ZNF366: variants seen among roughly 807,000 people sequenced by gnomAD.
The protein encoded by ZNF366 is zinc finger protein 366, also known as dendritic cell-specific transcript protein.
ZNF366 carries 20 observed loss-of-function variants against 47.2 expected under a neutral mutation model. The ratio of observed to expected loss-of-function variants is 0.42; its 90% confidence interval spans 0.30 to 0.62. The LOEUF (loss-of-function observed/expected upper bound fraction) is 0.62. ZNF366 is among the 20% of genes least tolerant of loss of function. The pLI, the probability that ZNF366 is intolerant of heterozygous loss-of-function variation, is 0.16. For missense variants in ZNF366, 987 were observed against 976.3 expected (o/e 1.01, Z -0.15); for synonymous variants, 421 against 395.1 (o/e 1.07, Z -0.78).
chr5:72,459,827 G>A (rs939591905), intron 2 of ZNF366, among the ~76,000 whole-genome samples: 5 of 152,236 alleles, frequency 3.3e-5, no homozygotes, highest in South Asian at 4.1e-4. Context: ...TCATGCTAGT[G>A]CCTTGGATGA....
chr5:72,461,637 A>G (rs555056061), intron 1 of ZNF366, 127 bp from the exon 2 acceptor site: 1 of 1,270,096 alleles, frequency 7.9e-7, no homozygotes, highest in African/African-American at 1.5e-5. Context: ...ATGGACCCTC[A>G]TTTATCCTAG....
At chr5:72,481,386 GT>G (rs1743787772) in intron 1 of ZNF366, among the ~76,000 whole-genome samples, 1 of 151,510 alleles carries the variant, frequency 6.6e-6, no homozygotes, top group South Asian at 2.1e-4. Flanking sequence ...ATTTTGGTCC[GT>G]TTCTTTCAAG....
rs146333389 is a variant in ZNF366, at chr5:72,443,251, T to C, written c.*505A>G. 1.9e-3 allele frequency: 294 copies of C among 153,102 alleles called. 5 individuals are homozygous for C. The East Asian group carries it at 0.05, about 26-fold the overall frequency. The allele number at this position is 153,102 out of a possible 1,614,324, so 9.5% of individuals were successfully genotyped here. On this transcript the variant is annotated 3_prime_UTR_variant, in exon 5 of 5. Coordinates refer to ENST00000318442, the MANE Select transcript of ZNF366 (RefSeq NM_152625.3). The stretch of plus-strand genomic sequence containing the variant: ...GGAGAGCATTCTCTTCAATAGCTCA[T>C]CCTCCTGTGCCATTTCTGACATTTT...
intron 3 of ZNF366, among the ~76,000 whole-genome samples, chr5:72,455,656 G>A (rs758928598): frequency 2.0e-5 from 3 of 152,158 alleles, no homozygotes; most frequent in African/African-American, 7.2e-5. Flanking sequence ...GCCCGTCAGC[G>A]CCTTGGGTTT....
At position 72,497,107 on chromosome 5, in the gene ZNF366, C is replaced by T. The variant is rs141382077; in HGVS notation, c.-15+10144G>A. ...GCCGCTTGTCTTTTTATTTTTATAACGGTATCTTTTTCTTGAAGAGCAAAA... is the reference window on the plus strand; with the variant it reads ...GCCGCTTGTCTTTTTATTTTTATAATGGTATCTTTTTCTTGAAGAGCAAAA... On this transcript the variant is annotated intron_variant, in intron 1 of 4. Coordinates refer to ENST00000318442, the MANE Select transcript of ZNF366 (RefSeq NM_152625.3). 1.2e-4 allele frequency among the ~76,000 whole-genome samples: 19 copies of T among 152,096 alleles called. No individual in the cohort carries two copies. In the East Asian group the frequency reaches 1.5e-3, roughly 12 times the overall value.
At position 72,440,903 on chromosome 5, in the gene ZNF366, G is replaced by A. The variant is rs926766586; in HGVS notation, c.*2853C>T. 5.3e-5 allele frequency: 8 copies of A among 151,914 alleles called. No homozygotes were observed. The highest frequency in any genetic ancestry group is 1.3e-4 in the Admixed American group (2 of 15,268). The allele number at this position is 151,914 out of a possible 1,614,324, so 9.4% of individuals were successfully genotyped here. ...AGTCAACAACTAAAAACAGGCCCTG[G>A]AATACACTCCATAACAAATTGTTTT... On this transcript the variant is annotated 3_prime_UTR_variant, in exon 5 of 5. Coordinates refer to ENST00000318442, the MANE Select transcript of ZNF366 (RefSeq NM_152625.3).
intron 2 of ZNF366, among the ~76,000 whole-genome samples, chr5:72,456,981 T>A (rs1382371924): frequency 6.6e-6 from 1 of 151,988 alleles, no homozygotes; most frequent in African/African-American, 2.4e-5. Context: ...GAAAAAAAAA[T>A]CTTCCAAAAT....
At chr5:72,493,528 G>A (rs1580253522) in intron 1 of ZNF366, 1 of 152,230 alleles carries the variant, frequency 6.6e-6, no homozygotes, top group East Asian at 1.9e-4. Context: ...ATTATAGGTA[G>A]CAATTGAAGA....
At chr5:72,456,681 A>T (rs1443143858) in intron 2 of ZNF366, 86 bp from the exon 3 acceptor site, 13 of 1,331,342 alleles carry the variant, frequency 9.8e-6, no homozygotes, top group Non-Finnish European at 1.3e-5. Context: ...CCTCTCTGCC[A>T]CATAAATCCA....
chr5:72,458,040 G>A (rs1315448113), intron 2 of ZNF366, among the ~76,000 whole-genome samples: 5 of 115,260 alleles, frequency 4.3e-5, no homozygotes, highest in Non-Finnish European at 6.8e-5. Flanking sequence ...TTTTTGAGAC[G>A]GAATCTCACT....
At position 72,443,601 on chromosome 5, in the gene ZNF366, A is replaced by G. The variant is rs1742898356; in HGVS notation, c.*155T>C. The G allele has an allele frequency of 2.5e-6, 2 of 814,002 alleles. No individual in the cohort carries two copies. The highest frequency in any genetic ancestry group is 1.7e-5 in the African/African-American group (1 of 57,886). 50.4% of individuals were successfully genotyped at this position (814,002 alleles called of 1,614,324 possible). A position where few individuals can be genotyped will look rare whatever the true frequency, so the allele number is the denominator to read the frequency against. Reference sequence around the variant, plus strand: ...CAAGGGCCCCGTGAATGACCTGAGAAGGCTTTCCATTACCTACATCCCTGC... The same window carrying G: ...CAAGGGCCCCGTGAATGACCTGAGAGGGCTTTCCATTACCTACATCCCTGC... On this transcript the variant is annotated 3_prime_UTR_variant, in exon 5 of 5. Transcript: ENST00000318442.
chr5:72,451,807 G>A (rs1743076006), intron 3 of ZNF366, among the ~76,000 whole-genome samples: 2 of 152,238 alleles, frequency 1.3e-5, no homozygotes, highest in African/African-American at 4.8e-5. Flanking sequence ...TCAGGGCTGG[G>A]AGAGGGCCGA....
At chr5:72,478,082 T>G (rs1743711606) in intron 1 of ZNF366, among the ~76,000 whole-genome samples, 1 of 152,126 alleles carries the variant, frequency 6.6e-6, no homozygotes, top group South Asian at 2.1e-4. Flanking sequence ...GGAAAAGACA[T>G]TTCAGTGAGT....
intron 1 of ZNF366, among the ~76,000 whole-genome samples, chr5:72,496,687 A>G (rs1744118987): frequency 6.6e-6 from 1 of 152,166 alleles, no homozygotes; most frequent in Non-Finnish European, 1.5e-5. Context: ...GTAAGCATAT[A>G]TTTAACTTTT....
At chr5:72,480,590 G>A (rs563392899) in intron 1 of ZNF366, among the ~76,000 whole-genome samples, 7 of 152,142 alleles carry the variant, frequency 4.6e-5, no homozygotes, top group African/African-American at 1.7e-4. Context: ...GGGCATTTGG[G>A]AAATGAACCT....
intron 1 of ZNF366, 141 bp downstream of exon 1, chr5:72,507,110 C>G: frequency 1.9e-6 from 1 of 530,506 alleles, no homozygotes; most frequent in Non-Finnish European, 2.4e-6. Context: ...AAAGTATTAG[C>G]TGAAATTCTG....
chr5:72,491,067 AG>A (rs1435394386), intron 1 of ZNF366, among the ~76,000 whole-genome samples: 2 of 152,170 alleles, frequency 1.3e-5, no homozygotes, highest in Non-Finnish European at 2.9e-5. Flanking sequence ...GGAGTGGTTT[AG>A]GGAGTGCATA....
intron 1 of ZNF366, among the ~76,000 whole-genome samples, chr5:72,462,507 T>TTTTCTTTCTTTCTTTC (rs765498463): frequency 0.012 from 997 of 82,436 alleles, 74 homozygotes; most frequent in African/African-American, 0.028. Flanking sequence ...TCCTTGCCAG[T>TTTTCTTTCTTTCTTTC]TTTCTTTCTT....
At chr5:72,500,960 T>C (rs1012588196) in intron 1 of ZNF366, among the ~76,000 whole-genome samples, 2 of 152,220 alleles carry the variant, frequency 1.3e-5, no homozygotes, top group Non-Finnish European at 2.9e-5. Flanking sequence ...CAGATGACAC[T>C]TTTTCCTTAT....
Sources: gnomAD v4.1 joint callset for allele counts (sites outside exome capture counted in the v4.1 genomes callset) on GRCh38, gnomAD v4.1.1 for gene constraint, MANE v1.5 for transcripts, NCBI Gene and HGNC (gene_info 2026-07-23, HGNC 2026-07-21) for gene names.